The following PRKCZ variants were observed in gnomAD, a reference collection of about 807,000 sequenced individuals.
The protein encoded by PRKCZ is protein kinase C zeta type.
A neutral mutation model predicts 79.5 loss-of-function variants in PRKCZ; 33 were observed. That is an observed-to-expected ratio of 0.41 (90% CI 0.31 to 0.55). The LOEUF (loss-of-function observed/expected upper bound fraction) is 0.55. Ranked by LOEUF, PRKCZ falls within the 20% of genes least tolerant of loss-of-function variation. The pLI, the probability that PRKCZ is intolerant of heterozygous loss-of-function variation, is 0.19. For missense variants in PRKCZ, 578 were observed against 813.5 expected (o/e 0.71, Z 3.52); for synonymous variants, 342 against 320.9 (o/e 1.07, Z -0.70).
Position 2,079,800 on chromosome 1 carries a change from C to G in PRKCZ, c.334+20209C>G, listed in dbSNP as rs142764982. ...CCTGGCCTTTGCGGCTTCCTGGGCC[C>G]CTGGTGACCCGCATTTGTCTGCCCA... On this transcript the variant is annotated intron_variant, in intron 4 of 17. Transcript: ENST00000378567. Among the ~76,000 whole-genome samples, 1,449 of 152,244 alleles carry G rather than the reference C, an allele frequency of 9.5e-3. 17 individuals are homozygous for G. Among genetic ancestry groups the G allele is most frequent in the South Asian group, 0.016 (76 of 4,820 alleles).
At chr1:2,148,010 A>G (rs936987375) in intron 7 of PRKCZ, among the ~76,000 whole-genome samples, 6 of 143,040 alleles carry the variant, frequency 4.2e-5, no homozygotes, top group Non-Finnish European at 9.2e-5. Context: ...CTATCCATCC[A>G]TCTATTGTCC....
chr1:2,083,130 A>G (rs553788377), intron 4 of PRKCZ, among the ~76,000 whole-genome samples: 20 of 152,132 alleles, frequency 1.3e-4, no homozygotes, highest in Non-Finnish European at 2.6e-4. Flanking sequence ...TGCTGGCCCC[A>G]GAGTGTTCGG....
At position 2,169,613 on chromosome 1, in the gene PRKCZ, G is replaced by A. The variant is rs376916098; in HGVS notation, c.1061+9G>A. The A allele has an allele frequency of 2.7e-5, 41 of 1,491,096 alleles. No individual in the cohort carries two copies. Among genetic ancestry groups the A allele is most frequent in the Admixed American group, 6.4e-5 (3 of 46,778 alleles). The allele number at this position is 1,491,096 out of a possible 1,614,324, so 92.4% of individuals were successfully genotyped here. On this transcript the variant is annotated intron_variant, in intron 11 of 17. Coordinates refer to ENST00000378567, the MANE Select transcript of PRKCZ (RefSeq NM_002744.6). Reference sequence around the variant, plus strand: ...CCTGAGGAGCACGCCAGGTGGGTGCGCGTGGACGGGGCCGGGTGGGTGCGC... The same window carrying A: ...CCTGAGGAGCACGCCAGGTGGGTGCACGTGGACGGGGCCGGGTGGGTGCGC...
chr1:2,168,475 A>G lies in PRKCZ; in HGVS notation c.975-1043A>G, dbSNP rs986597930. Among the ~76,000 whole-genome samples the G allele has an allele frequency of 3.3e-5, 5 of 152,104 alleles. No individual in the cohort carries two copies. In the East Asian group the frequency reaches 9.6e-4, roughly 29 times the overall value. ...CACGTGGACGTCTCTCCAGCTCCTC[A>G]CTTGGGGCCCAGGGCTCTTTCGATT... On this transcript the variant is annotated intron_variant, in intron 10 of 17. Coordinates refer to ENST00000378567, the MANE Select transcript of PRKCZ (RefSeq NM_002744.6). The surrounding 1 kb of genome is among the most constrained non-coding windows in gnomAD (Gnocchi z 4.7).
At chr1:2,176,598 A>G (rs1247579019) in intron 16 of PRKCZ, among the ~76,000 whole-genome samples, 1 of 152,256 alleles carries the variant, frequency 6.6e-6, no homozygotes, top group Non-Finnish European at 1.5e-5. Flanking sequence ...TAGCTCGTTC[A>G]GTGCATTTTG....
chr1:2,089,011 A>C (rs1665019607), intron 4 of PRKCZ, among the ~76,000 whole-genome samples: 1 of 152,206 alleles, frequency 6.6e-6, no homozygotes, highest in African/African-American at 2.4e-5. Context: ...TAGTTTTTAT[A>C]GAAAATACTA....
intron 10 of PRKCZ, chr1:2,169,284 A>G (rs1455148178): frequency 3.6e-6 from 2 of 557,634 alleles, no homozygotes; most frequent in Admixed American, 2.2e-5. Flanking sequence ...CCAAGAGTGA[A>G]GGCCGGCGAG....
intron 5 of PRKCZ, among the ~76,000 whole-genome samples, chr1:2,140,587 C>T (rs535959934): frequency 2.0e-5 from 3 of 151,758 alleles, no homozygotes; most frequent in Admixed American, 1.3e-4. Flanking sequence ...AACCAGGGAG[C>T]TGGAGGTTTC....
At chr1:2,137,418 C>T (rs1676434763) in intron 5 of PRKCZ, among the ~76,000 whole-genome samples, 1 of 152,202 alleles carries the variant, frequency 6.6e-6, no homozygotes, top group African/African-American at 2.4e-5. Flanking sequence ...TGCAATACTT[C>T]ACCAGTTCTC....
chr1:2,077,210 G>T (rs551572733), intron 4 of PRKCZ, among the ~76,000 whole-genome samples: 2 of 152,228 alleles, frequency 1.3e-5, no homozygotes, highest in African/African-American at 4.8e-5. Flanking sequence ...GTTTACACGC[G>T]CTCTGGTGGG....
chr1:2,148,971 A>T, intron 8 of PRKCZ, 47 bp downstream of exon 8: 1 of 1,583,024 alleles, frequency 6.3e-7, no homozygotes, highest in Non-Finnish European at 8.7e-7. Flanking sequence ...TCCTCTGGAA[A>T]GTCTGTGAGC....
At chr1:2,151,104 A>G (rs899870098) in intron 9 of PRKCZ, 126 bp downstream of exon 9, 3 of 1,150,376 alleles carry the variant, frequency 2.6e-6, no homozygotes, top group Non-Finnish European at 3.6e-6. Flanking sequence ...TTTGTGCAAA[A>G]TCAATAGTCA....
intron 5 of PRKCZ, chr1:2,141,345 CTTTTTT>C (rs144339432): frequency 0.085 from 10,543 of 123,552 alleles, 470 homozygotes; most frequent in South Asian, 0.12. Context: ...TTTTCTTTTT[CTTTTTT>C]TTTTTTTTTT....
chr1:2,072,524 C>T (rs1388639692), intron 4 of PRKCZ, among the ~76,000 whole-genome samples: 1 of 147,754 alleles, frequency 6.8e-6, no homozygotes, highest in African/African-American at 2.6e-5. Flanking sequence ...GGGGAGCAGG[C>T]ATTGGGTCGG....
chr1:2,171,713 C>T (rs1324705783), intron 11 of PRKCZ: 7 of 235,826 alleles, frequency 3.0e-5, no homozygotes, highest in Middle Eastern at 1.4e-3. Flanking sequence ...TCCGCAGCAG[C>T]GGCGCTGTTC....
rs1254295825 is a variant in PRKCZ at position 2,184,587 on chromosome 1, A to G, written c.1580A>G (p.Glu527Gly). Residue 527 changes from glutamate to glycine, a missense_variant, in exon 17 of 18, where the codon GAG becomes GGG. By Grantham distance (98) the Glu-to-Gly change is moderately conservative. Around this residue, in one of 4 missense-constraint regions of PRKCZ, gnomAD observed 243 missense variants for 467.0 expected, o/e 0.52. Transcript: ENST00000378567. ...TTCTCCTATTGTTTTTCCAAGCTGGAGAAGAAGCAGGCGCTCCCTCCATTC... is the reference window on the plus strand; with the variant it reads ...TTCTCCTATTGTTTTTCCAAGCTGGGGAAGAAGCAGGCGCTCCCTCCATTC... ...FFRSIDWDLL[E>G]KKQALPPFQP... 6.2e-7 allele frequency: 1 copy of G among 1,613,358 alleles called. No individual in the cohort carries two copies. The highest frequency in any genetic ancestry group is 2.2e-5 in the East Asian group (1 of 44,884).
At chr1:2,151,837 T>G (rs1679960306) in intron 9 of PRKCZ, among the ~76,000 whole-genome samples, 2 of 151,762 alleles carry the variant, frequency 1.3e-5, no homozygotes, top group Non-Finnish European at 2.9e-5. Context: ...TTTTTGTATT[T>G]TTTGTAGAGG....
chr1:2,110,556 G>A (rs958828632), intron 4 of PRKCZ, among the ~76,000 whole-genome samples: 2 of 152,212 alleles, frequency 1.3e-5, no homozygotes, highest in Non-Finnish European at 2.9e-5. Context: ...GGGAAACAGA[G>A]ACTCCTCTGG....
At chr1:2,164,943 T>C (rs892755939) in intron 10 of PRKCZ, among the ~76,000 whole-genome samples, 3 of 152,136 alleles carry the variant, frequency 2.0e-5, no homozygotes, top group Admixed American at 6.5e-5. Flanking sequence ...GTCTCCTGGC[T>C]CCAGGAAGGT....
Sources: allele counts gnomAD v4.1 joint callset (sites outside exome capture counted in the v4.1 genomes callset), GRCh38; gene constraint gnomAD v4.1.1; regional missense constraint gnomAD v4.1.1; non-coding constraint Gnocchi (gnomAD v3.1); transcripts MANE v1.5; gene names NCBI Gene and HGNC (gene_info 2026-07-23, HGNC 2026-07-21).